DCAF5: variants seen among roughly 807,000 people sequenced by gnomAD.
DCAF5 encodes DDB1- and CUL4-associated factor 5.
Under a neutral mutation model 80.7 loss-of-function variants are expected in DCAF5, and 9 were observed. That is an observed-to-expected ratio of 0.11 (90% confidence interval 0.07 to 0.19). DCAF5 has a LOEUF of 0.19. Ranked by LOEUF, DCAF5 falls within the 10% of genes least tolerant of loss-of-function variation. The pLI is 1.00. For synonymous variants in DCAF5, 433 were observed against 461.9 expected (o/e 0.94, Z 0.80); for missense variants, 842 against 1,205.7 (o/e 0.70, Z 4.47).
intron 8 of DCAF5, among the ~76,000 whole-genome samples, chr14:69,059,155 T>C (rs2038102067): frequency 6.6e-6 from 1 of 152,168 alleles, no homozygotes; most frequent in African/African-American, 2.4e-5. Context: ...GGCATGAACA[T>C]GGCCCACTGC....
At chr14:69,056,658 C>A (rs150841336) in intron 8 of DCAF5, among the ~76,000 whole-genome samples, 1 of 152,244 alleles carries the variant, frequency 6.6e-6, no homozygotes, top group Non-Finnish European at 1.5e-5. Context: ...GGCATCCAAC[C>A]CAGAAAACAG....
intron 1 of DCAF5, among the ~76,000 whole-genome samples, chr14:69,139,653 A>G (rs1243705707): frequency 6.6e-6 from 1 of 151,946 alleles, no homozygotes; most frequent in Non-Finnish European, 1.5e-5. Flanking sequence ...GTCTCTACTA[A>G]AAACACGAAA....
chr14:69,126,220 C>T (rs976138334), intron 1 of DCAF5, among the ~76,000 whole-genome samples: 7 of 149,304 alleles, frequency 4.7e-5, no homozygotes, highest in Non-Finnish European at 8.9e-5. Context: ...TGCAATGGCG[C>T]AATCTCAGCT....
intron 5 of DCAF5, among the ~76,000 whole-genome samples, chr14:69,112,349 T>C (rs750498644): frequency 1.1e-4 from 16 of 151,998 alleles, no homozygotes; most frequent in Admixed American, 2.6e-4. Context: ...CAGGTCCATA[T>C]TGGAAAAATT....
At chr14:69,111,894 G>T (rs2040380780) in intron 5 of DCAF5, among the ~76,000 whole-genome samples, 1 of 152,146 alleles carries the variant, frequency 6.6e-6, no homozygotes. Flanking sequence ...AATCCCTAAA[G>T]CAGAACTTTC....
chr14:69,147,754 T>A lies in DCAF5; in HGVS notation c.214+5011A>T, dbSNP rs540030708. On this transcript the variant is annotated intron_variant, in intron 1 of 8. Transcript: ENST00000341516. ...CCTACATAATTAATACTTTGAAACA[T>A]CATAGTTGCTCATGCTATTTGAAAA... 2.0e-5 allele frequency among the ~76,000 whole-genome samples: 3 copies of A among 152,314 alleles called. No individual in the cohort carries two copies. The South Asian group carries it at 6.2e-4, about 32-fold the overall frequency.
intron 1 of DCAF5, among the ~76,000 whole-genome samples, chr14:69,148,015 C>T (rs762796858): frequency 7.5e-5 from 11 of 147,364 alleles, no homozygotes; most frequent in Non-Finnish European, 1.5e-4. Context: ...TATAAAAAGG[C>T]GGAGTAACAA....
chr14:69,059,850 C>T (rs17836065), intron 8 of DCAF5, among the ~76,000 whole-genome samples: 37,059 of 152,114 alleles, frequency 0.24, 5,850 homozygotes, highest in Middle Eastern at 0.43. Context: ...GGGTTCAGAT[C>T]CCATGCAAAC....
At position 69,153,035 on chromosome 14, in the gene DCAF5, G is replaced by T; in HGVS notation, c.-57C>A. Reference sequence around the variant, plus strand: ...CCGCCCCTCCCTCGGCCTCACGCGCGGCCGCTGCTCCCCCCACCCGGCCCT... The same window carrying T: ...CCGCCCCTCCCTCGGCCTCACGCGCTGCCGCTGCTCCCCCCACCCGGCCCT... On this transcript the variant is annotated 5_prime_UTR_variant, in exon 1 of 9. Coordinates refer to ENST00000341516, the MANE Select transcript of DCAF5 (RefSeq NM_003861.3). 7.3e-7 allele frequency: 1 copy of T among 1,361,064 alleles called. No homozygotes were observed. Among genetic ancestry groups the T allele is most frequent in the Non-Finnish European group, 9.6e-7 (1 of 1,041,954 alleles). The allele number at this position is 1,361,064 out of a possible 1,614,324, so 84.3% of individuals were successfully genotyped here.
Position 69,116,575 on chromosome 14 carries a change from C to T in DCAF5, c.536-80G>A, listed in dbSNP as rs562129998. The T allele has an allele frequency of 1.5e-5, 23 of 1,530,938 alleles. 1 individual carries two copies. In the South Asian group the frequency reaches 2.4e-4, roughly 16 times the overall value. 94.8% of individuals were successfully genotyped at this position (1,530,938 alleles called of 1,614,324 possible). A position where few individuals can be genotyped will look rare whatever the true frequency, so the allele number is the denominator to read the frequency against. ...AGGCAGATAATCAGGAATGTGAATA[C>T]AGGTCGGAGCACTCTTTAATAACCA... On this transcript the variant is annotated intron_variant, in intron 4 of 8. Transcript: ENST00000341516.
At chr14:69,144,465 G>A (rs540004168) in intron 1 of DCAF5, among the ~76,000 whole-genome samples, 3 of 151,972 alleles carry the variant, frequency 2.0e-5, no homozygotes, top group Non-Finnish European at 1.5e-5. Flanking sequence ...CCAACTACTC[G>A]GGAGGCTGAG....
Position 69,152,884 on chromosome 14 carries a change from T to G in DCAF5, c.95A>C (p.Asp32Ala). The change falls in exon 1 of 9, where the codon GAC becomes GCC. Residue 32 changes from aspartate (D) to alanine (A), a missense_variant. This residue lies in a region of DCAF5 where 142 missense variants were observed against 311.9 expected (regional missense o/e 0.46). Transcript: ENST00000341516. The surrounding 1 kb of genome is among the most constrained non-coding windows in gnomAD (Gnocchi z 4.1). ...GCCCCGCAGGCGTCTCCTCTGAAAGTCCTGAGTGAGCAGGGGGTCCCCATG... is the reference window on the plus strand; with the variant it reads ...GCCCCGCAGGCGTCTCCTCTGAAAGGCCTGAGTGAGCAGGGGGTCCCCATG... Reference protein sequence around the residue: ...GLHGDPLLTQDFQRRRLRGCR... With the variant: ...GLHGDPLLTQAFQRRRLRGCR... 6.2e-7 allele frequency: 1 copy of G among 1,613,974 alleles called. No individual in the cohort carries two copies. Among genetic ancestry groups the G allele is most frequent in the Non-Finnish European group, 8.5e-7 (1 of 1,179,970 alleles).
At position 69,071,508 on chromosome 14, in the gene DCAF5, G is replaced by C. The variant is rs1361713774; in HGVS notation, c.946+3837C>G. Among the ~76,000 whole-genome samples the C allele has an allele frequency of 2.8e-5, 4 of 144,570 alleles. No individual in the cohort carries two copies. In the East Asian group the frequency reaches 9.3e-4, roughly 33 times the overall value. 94.8% of individuals were successfully genotyped at this position (144,570 alleles called of 152,430 possible). Reference sequence around the variant, plus strand: ...AGTCTAGTTCTGATCATGCCATTAGGTATACAATGGCAAGCCAGCTTTCCC... The same window carrying C: ...AGTCTAGTTCTGATCATGCCATTAGCTATACAATGGCAAGCCAGCTTTCCC... On this transcript the variant is annotated intron_variant, in intron 7 of 8. Coordinates refer to ENST00000341516, the MANE Select transcript of DCAF5 (RefSeq NM_003861.3).
rs1199418711 is a variant in DCAF5, at chr14:69,054,071, G to A, written c.2615C>T (p.Ser872Leu). 9 of 1,614,060 alleles carry A rather than the reference G, an allele frequency of 5.6e-6. No homozygotes were observed. The African/African-American group carries it at 8.0e-5, about 14-fold the overall frequency. ...GTGTAGGAGTGTCCCTGTCAGGGACGAGTTATCACGGTCAGTGTCTGAGTG... is the reference window on the plus strand; with the variant it reads ...GTGTAGGAGTGTCCCTGTCAGGGACAAGTTATCACGGTCAGTGTCTGAGTG... ...PGHSDTDRDN[S>L]SLTGTLLHKD... Residue 872 changes from serine (S) to leucine (L), a missense_variant, in exon 9 of 9, where the codon TCG (serine) becomes TTG (leucine). Physicochemically the swap from Ser to Leu is moderately radical, Grantham distance 145. Transcript: ENST00000341516.
intron 7 of DCAF5, among the ~76,000 whole-genome samples, chr14:69,068,058 A>G (rs1270915508): frequency 2.0e-5 from 3 of 152,164 alleles, no homozygotes; most frequent in Non-Finnish European, 4.4e-5. Flanking sequence ...AACTTTACCA[A>G]TCTTCCCAAA....
At chr14:69,116,009 A>G (rs2040533674) in intron 5 of DCAF5, among the ~76,000 whole-genome samples, 1 of 151,404 alleles carries the variant, frequency 6.6e-6, no homozygotes, top group Admixed American at 6.6e-5. Flanking sequence ...CTCCACCTCC[A>G]CCTCCTCCCC....
chr14:69,095,061 C>A (rs1338171685), intron 5 of DCAF5, among the ~76,000 whole-genome samples: 1 of 152,210 alleles, frequency 6.6e-6, no homozygotes, highest in Non-Finnish European at 1.5e-5. Context: ...TGTCTGTTCG[C>A]AGAAGGATCT....
chr14:69,106,214 G>A (rs141465735), intron 5 of DCAF5, among the ~76,000 whole-genome samples: 1,563 of 149,670 alleles, frequency 0.01, 25 homozygotes, highest in African/African-American at 0.037. Context: ...CCACCACTAC[G>A]CCCGGCTAAT....
Position 69,152,679 on chromosome 14 carries a change from G to A in DCAF5, c.214+86C>T, listed in dbSNP as rs1047138793. On this transcript the variant is annotated intron_variant, in intron 1 of 8. Transcript: ENST00000341516. This position sits in a 1 kb window ranked among gnomAD's most constrained non-coding sequence, Gnocchi z 4.1. Reference sequence around the variant, plus strand: ...AGAAAGGGAGGGGGTGGGGACAGAGGGCAGGAGGAGGGTGACGGGGGAGAG... The same window carrying A: ...AGAAAGGGAGGGGGTGGGGACAGAGAGCAGGAGGAGGGTGACGGGGGAGAG... 1.9e-5 allele frequency: 19 copies of A among 1,003,938 alleles called. 1 individual carries two copies. In the East Asian group the frequency reaches 4.7e-4, roughly 25 times the overall value. 62.2% of individuals were successfully genotyped at this position (1,003,938 alleles called of 1,614,324 possible).
Sources: allele counts gnomAD v4.1 joint callset (sites outside exome capture counted in the v4.1 genomes callset), GRCh38; gene constraint gnomAD v4.1.1; regional missense constraint gnomAD v4.1.1; non-coding constraint Gnocchi (gnomAD v3.1); transcripts MANE v1.5; gene names NCBI Gene and HGNC (gene_info 2026-07-23, HGNC 2026-07-21).